Variants in CNTNAP2 observed in about 807,000 individuals in gnomAD.
CNTNAP2 encodes the protein contactin associated protein 2.
Under a neutral mutation model 155.2 loss-of-function variants are expected in CNTNAP2, and 98 were observed. That is an observed-to-expected ratio of 0.63 (90% CI 0.54 to 0.75). The LOEUF (loss-of-function observed/expected upper bound fraction) is 0.75. Among genes scored for constraint, CNTNAP2 ranks in the 30% least tolerant of loss-of-function variants. The pLI, the probability that CNTNAP2 is intolerant of heterozygous loss-of-function variation, is 0.00. For missense variants in CNTNAP2, 1,727 were observed against 1,688.1 expected (o/e 1.02, Z -0.40); for synonymous variants, 651 against 631.2 (o/e 1.03, Z -0.47).
chr7:147,298,210 C>T (rs1794873474), intron 8 of CNTNAP2, among the ~76,000 whole-genome samples: 1 of 152,072 alleles, frequency 6.6e-6, no homozygotes, highest in Admixed American at 6.6e-5. Context: ...GGGTGGATCA[C>T]TTGAGGTCAG....
intron 8 of CNTNAP2, among the ~76,000 whole-genome samples, chr7:147,292,134 C>T (rs1174515812): frequency 1.3e-5 from 2 of 152,100 alleles, no homozygotes; most frequent in Non-Finnish European, 2.9e-5. Context: ...CTCTAGGAAA[C>T]CTCTGTTAGC....
chr7:146,344,925 C>G (rs1794797143), intron 1 of CNTNAP2, among the ~76,000 whole-genome samples: 1 of 152,152 alleles, frequency 6.6e-6, no homozygotes, highest in South Asian at 2.1e-4. Context: ...ATATGAAAGT[C>G]TGGCATTAAC....
At chr7:146,513,152 C>T (rs934364042) in intron 1 of CNTNAP2, among the ~76,000 whole-genome samples, 1 of 151,760 alleles carries the variant, frequency 6.6e-6, no homozygotes, top group Non-Finnish European at 1.5e-5. Context: ...GAAACTTTTG[C>T]CATTTATTCA....
intron 1 of CNTNAP2, among the ~76,000 whole-genome samples, chr7:146,344,362 C>T (rs1794784952): frequency 6.6e-6 from 1 of 152,000 alleles, no homozygotes; most frequent in African/African-American, 2.4e-5. Flanking sequence ...GTGTAAAAAA[C>T]ATAGTTGAAA....
At chr7:146,657,447 T>C (rs1800013886) in intron 1 of CNTNAP2, among the ~76,000 whole-genome samples, 1 of 152,150 alleles carries the variant, frequency 6.6e-6, no homozygotes, top group African/African-American at 2.4e-5. Context: ...AGGTACCTGG[T>C]GGAGGATGCT....
At chr7:146,717,126 A>T (rs944535153) in intron 1 of CNTNAP2, among the ~76,000 whole-genome samples, 2 of 152,120 alleles carry the variant, frequency 1.3e-5, no homozygotes, top group Non-Finnish European at 2.9e-5. Flanking sequence ...AAAGATCCTT[A>T]TGCCTGGCAG....
intron 1 of CNTNAP2, among the ~76,000 whole-genome samples, chr7:146,438,685 A>G (rs553205118): frequency 7.9e-5 from 12 of 151,410 alleles, no homozygotes; most frequent in Non-Finnish European, 1.3e-4. Context: ...TCTTTCCTGG[A>G]TTTTCTAGAA....
At chr7:147,228,814 AC>A (rs1803608562) in intron 8 of CNTNAP2, among the ~76,000 whole-genome samples, 2 of 145,620 alleles carry the variant, frequency 1.4e-5, no homozygotes, top group Non-Finnish European at 3.0e-5. Flanking sequence ...CTAGTCCCCC[AC>A]CCCCCAACAG....
intron 1 of CNTNAP2, among the ~76,000 whole-genome samples, chr7:146,169,475 T>G (rs549875681): frequency 6.6e-6 from 1 of 152,206 alleles, no homozygotes; most frequent in Non-Finnish European, 1.5e-5. Flanking sequence ...ATTGGTTATC[T>G]CACGTAGTTA....
At chr7:147,758,598 C>T (rs778011994) in intron 13 of CNTNAP2, among the ~76,000 whole-genome samples, 13 of 152,160 alleles carry the variant, frequency 8.5e-5, no homozygotes, top group Non-Finnish European at 1.8e-4. Context: ...AATACCAGCA[C>T]TTTGGGAGGC....
chr7:146,250,131 C>T lies in CNTNAP2; in HGVS notation c.97+133158C>T, dbSNP rs372714483. On this transcript the variant is annotated intron_variant, in intron 1 of 23. Coordinates refer to ENST00000361727, the MANE Select transcript of CNTNAP2 (RefSeq NM_014141.6). The stretch of plus-strand genomic sequence containing the variant: ...AACCTAAAATATCATCAGGGTAACA[C>T]CTTCAGTTACAAATTATAGTAACAT... 4.6e-5 allele frequency among the ~76,000 whole-genome samples: 7 copies of T among 152,228 alleles called. No individual in the cohort carries two copies. The East Asian group carries it at 1.4e-3, about 29-fold the overall frequency.
chr7:146,985,707 A>G (rs74498325), intron 3 of CNTNAP2, among the ~76,000 whole-genome samples: 7,916 of 152,216 alleles, frequency 0.052, 360 homozygotes, highest in East Asian at 0.18. Context: ...CACAGTCGAT[A>G]AGTTTTTCAC....
intron 9 of CNTNAP2, among the ~76,000 whole-genome samples, chr7:147,306,131 C>T (rs1268478543): frequency 6.6e-6 from 1 of 152,118 alleles, no homozygotes; most frequent in Non-Finnish European, 1.5e-5. Flanking sequence ...ACAGTTAGGA[C>T]TTCAGTGTAT....
chr7:146,175,685 G>A (rs550268023), intron 1 of CNTNAP2, among the ~76,000 whole-genome samples: 9 of 152,240 alleles, frequency 5.9e-5, no homozygotes, highest in South Asian at 2.1e-4. Context: ...GTTATTATTC[G>A]ATTTATATGA....
At chr7:146,222,655 T>TA (rs1214211660) in intron 1 of CNTNAP2, among the ~76,000 whole-genome samples, 3 of 91,460 alleles carry the variant, frequency 3.3e-5, no homozygotes, top group Non-Finnish European at 6.2e-5. Flanking sequence ...TGGGAAAAGG[T>TA]AAATTTTTTT....
rs114806277 is a variant in CNTNAP2 at position 146,300,650 on chromosome 7, G to A, written c.97+183677G>A. Reference sequence around the variant, plus strand: ...TATAGTTTCAAGTTTTCAAGTTATCGAAAATCAACCCATTTATTTATTTAA... The same window carrying A: ...TATAGTTTCAAGTTTTCAAGTTATCAAAAATCAACCCATTTATTTATTTAA... On this transcript the variant is annotated intron_variant, in intron 1 of 23. Coordinates refer to ENST00000361727, the MANE Select transcript of CNTNAP2 (RefSeq NM_014141.6). 2.6e-3 allele frequency among the ~76,000 whole-genome samples: 394 copies of A among 152,096 alleles called. 4 individuals carry two copies. The highest frequency in any genetic ancestry group is 9.0e-3 in the African/African-American group (372 of 41,508).
intron 1 of CNTNAP2, among the ~76,000 whole-genome samples, chr7:146,355,430 C>A (rs1794984007): frequency 6.6e-6 from 1 of 152,108 alleles, no homozygotes; most frequent in Non-Finnish European, 1.5e-5. Flanking sequence ...TCATTCAAGT[C>A]CATAAAGTCC....
intron 10 of CNTNAP2, among the ~76,000 whole-genome samples, chr7:147,433,531 AAAG>A (rs1245449067): frequency 6.6e-6 from 1 of 152,232 alleles, no homozygotes; most frequent in Non-Finnish European, 1.5e-5. Flanking sequence ...AATCAATAAA[AAAG>A]AGACCTTTCA....
chr7:146,676,838 T>C (rs1474679042), intron 1 of CNTNAP2, among the ~76,000 whole-genome samples: 1 of 152,204 alleles, frequency 6.6e-6, no homozygotes, highest in Admixed American at 6.5e-5. Context: ...ACTGCCCCCA[T>C]GATTCAATTA....
Sources: gnomAD v4.1 joint callset for allele counts (sites outside exome capture counted in the v4.1 genomes callset) on GRCh38, gnomAD v4.1.1 for gene constraint, MANE v1.5 for transcripts, NCBI Gene and HGNC (gene_info 2026-07-23, HGNC 2026-07-21) for gene names.